The following KCNIP3 variants were observed in gnomAD, a reference collection of about 807,000 sequenced individuals.
The protein encoded by KCNIP3 is calsenilin.
KCNIP3 carries 28 observed loss-of-function variants against 35.0 expected under a neutral mutation model. The observed-to-expected ratio is 0.80, with a 90% CI of 0.59 to 1.10. KCNIP3 has a LOEUF of 1.10. KCNIP3 is among the 50% of genes least tolerant of loss of function. KCNIP3 has a pLI of 0.00. For synonymous variants in KCNIP3, 134 were observed against 133.8 expected (o/e 1.00, Z -0.01); for missense variants, 295 against 338.4 (o/e 0.87, Z 1.01).
chr2:95,348,874 C>T (rs1305030946), intron 2 of KCNIP3, among the ~76,000 whole-genome samples: 1 of 152,112 alleles, frequency 6.6e-6, no homozygotes, highest in Non-Finnish European at 1.5e-5. Flanking sequence ...CTTAAACAGT[C>T]GAAGCCTCAG....
In KCNIP3 at chr2:95,344,325, A is replaced by G. The variant is rs563824300; in HGVS notation, c.182-29971A>G. ...GCTCGCCTGCTGGCTTCCTTCTCCA[A>G]GTCCCAGGGAAGGGGAGTGTGATAA... On this transcript the variant is annotated intron_variant, in intron 2 of 8. Transcript: ENST00000295225. Among the ~76,000 whole-genome samples the G allele has an allele frequency of 5.3e-5, 8 of 152,178 alleles. No individual in the cohort carries two copies. The South Asian group carries it at 1.5e-3, about 28-fold the overall frequency.
chr2:95,321,146 C>T (rs984396803), intron 2 of KCNIP3, among the ~76,000 whole-genome samples: 2 of 151,708 alleles, frequency 1.3e-5, no homozygotes, highest in African/African-American at 4.8e-5. Context: ...AGTCTAGGCC[C>T]TTTCCTCCCC....
intron 2 of KCNIP3, among the ~76,000 whole-genome samples, chr2:95,322,421 G>T (rs1678619330): frequency 6.6e-6 from 1 of 152,170 alleles, no homozygotes; most frequent in Admixed American, 6.5e-5. Flanking sequence ...CACGTGAAAA[G>T]CCCTGTCCCC....
chr2:95,349,005 C>T (rs1679445460), intron 2 of KCNIP3, among the ~76,000 whole-genome samples: 1 of 152,124 alleles, frequency 6.6e-6, no homozygotes, highest in Non-Finnish European at 1.5e-5. Flanking sequence ...CCGTGCTTAT[C>T]AGGGATATTA....
intron 6 of KCNIP3, 84 bp downstream of exon 6, chr2:95,381,787 C>T: frequency 1.1e-6 from 1 of 933,532 alleles, no homozygotes. Context: ...CTCCCTGCTC[C>T]TGCTGCCCAC....
chr2:95,336,890 C>T (rs1679074315), intron 2 of KCNIP3, among the ~76,000 whole-genome samples: 1 of 152,190 alleles, frequency 6.6e-6, no homozygotes, highest in Admixed American at 6.5e-5. Flanking sequence ...GCCTGAACCT[C>T]CATATTTCCT....
chr2:95,341,182 C>T (rs749541414), intron 2 of KCNIP3, among the ~76,000 whole-genome samples: 3 of 152,190 alleles, frequency 2.0e-5, no homozygotes, highest in Non-Finnish European at 2.9e-5. Flanking sequence ...CCACTTGGAG[C>T]TGTTCTCACG....
chr2:95,339,213 A>C (rs752386739), intron 2 of KCNIP3, among the ~76,000 whole-genome samples: 1 of 152,076 alleles, frequency 6.6e-6, no homozygotes, highest in African/African-American at 2.4e-5. Flanking sequence ...TTTGGCCCCA[A>C]TTTCAGGTGT....
chr2:95,305,417 C>T (rs891694347), intron 1 of KCNIP3, among the ~76,000 whole-genome samples: 1 of 152,218 alleles, frequency 6.6e-6, no homozygotes, highest in Non-Finnish European at 1.5e-5. Flanking sequence ...TCCCCAATGA[C>T]AGCATATTTC....
chr2:95,321,552 C>T (rs1356187935), intron 2 of KCNIP3, among the ~76,000 whole-genome samples: 2 of 152,206 alleles, frequency 1.3e-5, no homozygotes, highest in African/African-American at 2.4e-5. Context: ...GTCATTCTGA[C>T]GCACTAAAAA....
intron 2 of KCNIP3, among the ~76,000 whole-genome samples, chr2:95,329,670 G>A (rs1678878401): frequency 6.6e-6 from 1 of 152,234 alleles, no homozygotes; most frequent in East Asian, 1.9e-4. Context: ...GGCTGAAGCT[G>A]TGCCCTCTGG....
At chr2:95,366,736 G>A (rs1679928020) in intron 2 of KCNIP3, among the ~76,000 whole-genome samples, 2 of 152,144 alleles carry the variant, frequency 1.3e-5, no homozygotes, top group African/African-American at 2.4e-5. Context: ...TAGGTATATA[G>A]CAGTATTTCA....
intron 2 of KCNIP3, chr2:95,312,886 G>A (rs987635494): frequency 3.3e-5 from 5 of 152,250 alleles, no homozygotes; most frequent in Middle Eastern, 3.2e-3. Context: ...CATAGCTCCC[G>A]GGTCTCCTCT....
chr2:95,336,106 C>T (rs1419789320), intron 2 of KCNIP3, among the ~76,000 whole-genome samples: 2 of 152,140 alleles, frequency 1.3e-5, no homozygotes, highest in African/African-American at 4.8e-5. Flanking sequence ...TGCAGGTCAC[C>T]CATGTTGTCA....
chr2:95,361,116 G>T (rs1160094454), intron 2 of KCNIP3, among the ~76,000 whole-genome samples: 2 of 152,180 alleles, frequency 1.3e-5, no homozygotes, highest in African/African-American at 4.8e-5. Flanking sequence ...GAGCTGGAGC[G>T]CTGATCAATA....
intron 2 of KCNIP3, among the ~76,000 whole-genome samples, chr2:95,352,319 C>T (rs1479818007): frequency 1.3e-5 from 2 of 152,094 alleles, no homozygotes; most frequent in African/African-American, 4.8e-5. Context: ...CTGGGGCCCT[C>T]CAGCATTTGT....
At chr2:95,344,975 T>A (rs1679311788) in intron 2 of KCNIP3, among the ~76,000 whole-genome samples, 1 of 152,236 alleles carries the variant, frequency 6.6e-6, no homozygotes, top group Admixed American at 6.5e-5. Flanking sequence ...GGAGGCTCTT[T>A]AACCTTAAAA....
At chr2:95,332,180 G>A (rs1007348346) in intron 2 of KCNIP3, among the ~76,000 whole-genome samples, 1 of 152,232 alleles carries the variant, frequency 6.6e-6, no homozygotes, top group Non-Finnish European at 1.5e-5. Flanking sequence ...CGGTCCTCCT[G>A]AGCCCTCAAC....
At chr2:95,326,138 GAC>G (rs971124176) in intron 2 of KCNIP3, among the ~76,000 whole-genome samples, 44 of 149,402 alleles carry the variant, frequency 2.9e-4, no homozygotes, top group Admixed American at 1.3e-3. Flanking sequence ...TATAAAGTCA[GAC>G]ACACATACAC....
Sources: gnomAD v4.1 joint callset for allele counts (sites outside exome capture counted in the v4.1 genomes callset) on GRCh38, gnomAD v4.1.1 for gene constraint, MANE v1.5 for transcripts, NCBI Gene and HGNC (gene_info 2026-07-23, HGNC 2026-07-21) for gene names.